TAFA2: variants seen among roughly 807,000 people sequenced by gnomAD.
TAFA2 encodes TAFA chemokine like family member 2.
Under a neutral mutation model 18.8 loss-of-function variants are expected in TAFA2, and 7 were observed. That is an observed-to-expected ratio of 0.37 (90% CI 0.21 to 0.70). The LOEUF is 0.70. TAFA2 is among the 30% of genes least tolerant of loss of function. The pLI is 0.53. For missense variants in TAFA2, 122 were observed against 158.1 expected (o/e 0.77, Z 1.23); for synonymous variants, 60 against 54.2 (o/e 1.11, Z -0.47).
intron 4 of TAFA2, among the ~76,000 whole-genome samples, chr12:61,727,359 T>G (rs970046616): frequency 4.0e-5 from 6 of 151,310 alleles, no homozygotes; most frequent in African/African-American, 1.5e-4. Flanking sequence ...GACCTTTTTT[T>G]TTTGACAATT....
rs189999963 is a variant in TAFA2, at chr12:62,211,953, T to C, written c.-130+46810A>G. Among the ~76,000 whole-genome samples, 11 of 152,372 alleles carry C rather than the reference T, an allele frequency of 7.2e-5. No homozygotes were observed. The East Asian group carries it at 1.3e-3, about 19-fold the overall frequency. On this transcript the variant is annotated intron_variant, in intron 1 of 5. Transcript: ENST00000551619. The stretch of plus-strand genomic sequence containing the variant: ...CAGTAAAAAGAACAATTATAGTAAC[T>C]ATTCTACTTTACATTTCAAAGTAAA...
At chr12:61,831,219 G>A (rs1277047023) in intron 2 of TAFA2, among the ~76,000 whole-genome samples, 1 of 152,022 alleles carries the variant, frequency 6.6e-6, no homozygotes, top group Admixed American at 6.6e-5. Context: ...GCAAAAATGA[G>A]TAATTTTCAC....
At chr12:62,031,773 T>C (rs116377782) in intron 1 of TAFA2, among the ~76,000 whole-genome samples, 3,046 of 152,286 alleles carry the variant, frequency 0.02, 62 homozygotes, top group African/African-American at 0.047. Flanking sequence ...TCCAGAACAG[T>C]GCCACCTCTG....
chr12:62,004,150 G>T (rs1265722981), intron 1 of TAFA2, among the ~76,000 whole-genome samples: 2 of 151,860 alleles, frequency 1.3e-5, no homozygotes, highest in East Asian at 1.9e-4. Context: ...AATTATAAAG[G>T]TATTATTTTA....
At chr12:61,796,500 T>C (rs902452714) in intron 2 of TAFA2, among the ~76,000 whole-genome samples, 1 of 152,070 alleles carries the variant, frequency 6.6e-6, no homozygotes, top group African/African-American at 2.4e-5. Flanking sequence ...GATCAATGTG[T>C]AATAACAAAT....
intron 2 of TAFA2, among the ~76,000 whole-genome samples, chr12:61,787,291 T>C (rs1035661061): frequency 1.3e-5 from 2 of 151,622 alleles, no homozygotes; most frequent in African/African-American, 4.8e-5. Flanking sequence ...ACCAGACTGA[T>C]CTTACAAGAA....
chr12:61,790,361 A>C (rs1241956531), intron 2 of TAFA2, among the ~76,000 whole-genome samples: 1 of 151,872 alleles, frequency 6.6e-6, no homozygotes, highest in African/African-American at 2.4e-5. Flanking sequence ...TGGAAGTCCT[A>C]GCCAGAGTAA....
At chr12:61,995,063 C>T (rs1399115704) in intron 1 of TAFA2, among the ~76,000 whole-genome samples, 1 of 152,184 alleles carries the variant, frequency 6.6e-6, no homozygotes, top group Non-Finnish European at 1.5e-5. Context: ...AATTAGTCCA[C>T]TTCTGTCTAC....
At chr12:61,986,031 T>C (rs1467542530) in intron 1 of TAFA2, among the ~76,000 whole-genome samples, 1 of 152,162 alleles carries the variant, frequency 6.6e-6, no homozygotes, top group Non-Finnish European at 1.5e-5. Flanking sequence ...AATAGCTTCC[T>C]CTGGTGACCT....
chr12:61,904,486 G>C (rs1876254349), intron 1 of TAFA2, among the ~76,000 whole-genome samples: 1 of 152,144 alleles, frequency 6.6e-6, no homozygotes, highest in Non-Finnish European at 1.5e-5. Context: ...AGGTGCTGTG[G>C]TAGGTGCTAG....
chr12:62,004,883 G>A (rs1244711713), intron 1 of TAFA2, among the ~76,000 whole-genome samples: 2 of 151,974 alleles, frequency 1.3e-5, no homozygotes, highest in African/African-American at 2.4e-5. Flanking sequence ...GCAACAACAT[G>A]GATGAACCTA....
intron 1 of TAFA2, among the ~76,000 whole-genome samples, chr12:62,037,436 A>T (rs1881639533): frequency 6.6e-6 from 1 of 152,226 alleles, no homozygotes; most frequent in Non-Finnish European, 1.5e-5. Flanking sequence ...TCTGGCTCAA[A>T]ATTCCAGGCA....
chr12:62,240,030 T>TTA (rs532356039), intron 1 of TAFA2, among the ~76,000 whole-genome samples: 1 of 151,584 alleles, frequency 6.6e-6, no homozygotes, highest in East Asian at 1.9e-4. Flanking sequence ...ATGTTTCTAG[T>TTA]TATATATATT....
chr12:61,722,773 A>G (rs1869965226), intron 4 of TAFA2, among the ~76,000 whole-genome samples: 1 of 151,936 alleles, frequency 6.6e-6, no homozygotes, highest in Non-Finnish European at 1.5e-5. Context: ...TTTCTAATCT[A>G]TTTCCTACTC....
intron 1 of TAFA2, among the ~76,000 whole-genome samples, chr12:61,867,842 A>G (rs538638805): frequency 9.9e-5 from 15 of 152,162 alleles, no homozygotes; most frequent in Non-Finnish European, 1.5e-4. Flanking sequence ...GTAACAGTTT[A>G]TATAGAATTG....
chr12:62,053,009 T>G (rs939227009), intron 1 of TAFA2, among the ~76,000 whole-genome samples: 4 of 152,184 alleles, frequency 2.6e-5, no homozygotes, highest in Admixed American at 2.6e-4. Context: ...GTCGTTGTCG[T>G]TTTTATTGCA....
intron 2 of TAFA2, among the ~76,000 whole-genome samples, chr12:61,807,540 T>G (rs942415952): frequency 6.6e-6 from 1 of 151,224 alleles, no homozygotes; most frequent in Non-Finnish European, 1.5e-5. Context: ...AGCTGTGAGA[T>G]GAGGGCCACC....
At chr12:62,052,583 T>G (rs1882085352) in intron 1 of TAFA2, among the ~76,000 whole-genome samples, 1 of 152,200 alleles carries the variant, frequency 6.6e-6, no homozygotes, top group African/African-American at 2.4e-5. Context: ...CTCTGCTTGC[T>G]CACCTTCACT....
intron 2 of TAFA2, among the ~76,000 whole-genome samples, chr12:61,789,927 G>A (rs1870901956): frequency 6.6e-6 from 1 of 151,726 alleles, no homozygotes. Context: ...AAAACTACAG[G>A]CCAATATCCC....
Sources: gnomAD v4.1 joint callset for allele counts (sites outside exome capture counted in the v4.1 genomes callset) on GRCh38, gnomAD v4.1.1 for gene constraint, MANE v1.5 for transcripts, NCBI Gene and HGNC (gene_info 2026-07-23, HGNC 2026-07-21) for gene names.